The following TMEM132C variants were observed in gnomAD, a reference collection of about 807,000 sequenced individuals.
The protein encoded by TMEM132C is transmembrane protein 132C.
In TMEM132C, 29 loss-of-function variants were observed where a neutral mutation model predicts 61.4. The ratio of observed to expected loss-of-function variants is 0.47; its 90% confidence interval spans 0.35 to 0.64. The LOEUF is 0.64. Ranked by LOEUF, TMEM132C falls within the 30% of genes least tolerant of loss-of-function variation. TMEM132C has a pLI of 0.00. For synonymous variants in TMEM132C, 656 were observed against 633.1 expected, an observed-to-expected ratio of 1.04 and a Z score of -0.54; for missense variants, 1,408 against 1,476.9, an observed-to-expected ratio of 0.95 and a Z score of 0.76.
intron 1 of TMEM132C, among the ~76,000 whole-genome samples, chr12:128,389,509 A>G (rs1874696966): frequency 1.3e-5 from 2 of 152,188 alleles, no homozygotes; most frequent in Non-Finnish European, 2.9e-5. Flanking sequence ...TTCTCCCACC[A>G]GAACATAGGT....
chr12:128,526,224 A>G (rs2136131557), intron 2 of TMEM132C, among the ~76,000 whole-genome samples: 1 of 152,366 alleles, frequency 6.6e-6, no homozygotes, highest in East Asian at 1.9e-4. Flanking sequence ...GGGCTGCTGT[A>G]AGAAAACACC....
chr12:128,427,122 C>T (rs993999241), intron 2 of TMEM132C, among the ~76,000 whole-genome samples: 4 of 152,146 alleles, frequency 2.6e-5, no homozygotes, highest in Non-Finnish European at 5.9e-5. Context: ...TGTTTGTGGT[C>T]GTGTCGTTGC....
chr12:128,349,943 G>A (rs1257788550), intron 1 of TMEM132C, among the ~76,000 whole-genome samples: 2 of 151,212 alleles, frequency 1.3e-5, no homozygotes, highest in African/African-American at 2.4e-5. Context: ...ACACACACAC[G>A]TGCAAGCATA....
chr12:128,396,223 C>T (rs1874949821), intron 1 of TMEM132C, among the ~76,000 whole-genome samples: 1 of 152,024 alleles, frequency 6.6e-6, no homozygotes. Flanking sequence ...TAGTTTTCAC[C>T]CAATAACACT....
At chr12:128,589,325 C>T (rs1875664983) in intron 3 of TMEM132C, among the ~76,000 whole-genome samples, 1 of 152,158 alleles carries the variant, frequency 6.6e-6, no homozygotes, top group African/African-American at 2.4e-5. Flanking sequence ...GGACCAAGAT[C>T]AGACTTTTCT....
At chr12:128,627,806 T>C (rs1954030359) in intron 4 of TMEM132C, among the ~76,000 whole-genome samples, 1 of 152,128 alleles carries the variant, frequency 6.6e-6, no homozygotes, top group Admixed American at 6.5e-5. Context: ...GAGTCAGGCC[T>C]CCGTGCCCAG....
intron 3 of TMEM132C, among the ~76,000 whole-genome samples, chr12:128,549,387 A>G (rs1044322582): frequency 6.6e-6 from 1 of 151,906 alleles, no homozygotes; most frequent in African/African-American, 2.4e-5. Context: ...TGCGTGCTGC[A>G]CTCAGTAAAG....
chr12:128,431,820 G>C (rs1172232429), intron 2 of TMEM132C, among the ~76,000 whole-genome samples: 5 of 152,124 alleles, frequency 3.3e-5, no homozygotes, highest in Non-Finnish European at 5.9e-5. Flanking sequence ...GCCCCCCAAA[G>C]TGCTTCGACC....
intron 2 of TMEM132C, among the ~76,000 whole-genome samples, chr12:128,453,636 C>A (rs1870251074): frequency 6.6e-6 from 1 of 152,104 alleles, no homozygotes; most frequent in Non-Finnish European, 1.5e-5. Flanking sequence ...GGGCGGCAGC[C>A]ATCTTTGGTA....
chr12:128,680,653 C>T (rs554690552), intron 5 of TMEM132C, among the ~76,000 whole-genome samples: 1 of 152,302 alleles, frequency 6.6e-6, no homozygotes, highest in South Asian at 2.1e-4. Context: ...AGCACAGAAT[C>T]AAAACCTTTG....
intron 2 of TMEM132C, among the ~76,000 whole-genome samples, chr12:128,463,580 A>C (rs371861509): frequency 1.8e-4 from 28 of 152,102 alleles, no homozygotes; most frequent in African/African-American, 6.7e-4. Flanking sequence ...CGGCCTCCCA[A>C]AGTGCTGAGA....
intron 2 of TMEM132C, among the ~76,000 whole-genome samples, chr12:128,420,376 G>C (rs146068980): frequency 6.6e-6 from 1 of 152,138 alleles, no homozygotes; most frequent in East Asian, 1.9e-4. Context: ...AGGGAAACAC[G>C]TGCAAAGGTC....
rs547550461 is a variant in TMEM132C at position 128,288,055 on chromosome 12, CTT to C, written c.85+20585_85+20586del. Reference sequence around the variant, plus strand: ...GTTATCCCTGCAGGATCCTCTCTTACTTTTTTTTTTTTTTTTTTCTGAGATGG... The same window carrying C: ...GTTATCCCTGCAGGATCCTCTCTTACTTTTTTTTTTTTTTTTCTGAGATGG... On this transcript the variant is annotated intron_variant, in intron 1 of 8. Transcript: ENST00000435159. The C allele has an allele frequency of 4.2e-3, 572 of 135,124 alleles. 6 individuals are homozygous for C. The highest frequency in any genetic ancestry group is 0.015 in the African/African-American group (529 of 36,376). The allele number at this position is 135,124 out of a possible 1,614,324, so 8.4% of individuals were successfully genotyped here.
At chr12:128,608,008 A>T (rs1876487250) in intron 3 of TMEM132C, among the ~76,000 whole-genome samples, 2 of 152,154 alleles carry the variant, frequency 1.3e-5, no homozygotes, top group South Asian at 4.1e-4. Context: ...AGGGATGCAA[A>T]TGTCATTCTG....
At chr12:128,484,578 G>A (rs905863184) in intron 2 of TMEM132C, among the ~76,000 whole-genome samples, 6 of 152,022 alleles carry the variant, frequency 3.9e-5, no homozygotes, top group African/African-American at 1.2e-4. Flanking sequence ...TAGAATGGCC[G>A]TCCTCATATA....
chr12:128,568,482 C>T (rs1874772330), intron 3 of TMEM132C, among the ~76,000 whole-genome samples: 1 of 152,192 alleles, frequency 6.6e-6, no homozygotes, highest in Non-Finnish European at 1.5e-5. Flanking sequence ...CCTGTACTTG[C>T]CGTGGACTGG....
At chr12:128,372,123 A>G (rs1044076800) in intron 1 of TMEM132C, among the ~76,000 whole-genome samples, 4 of 152,192 alleles carry the variant, frequency 2.6e-5, no homozygotes, top group Admixed American at 6.5e-5. Flanking sequence ...GCTGGCTGCC[A>G]TCTTGCCCCC....
At chr12:128,512,455 A>G (rs1226591525) in intron 2 of TMEM132C, among the ~76,000 whole-genome samples, 1 of 152,028 alleles carries the variant, frequency 6.6e-6, no homozygotes, top group African/African-American at 2.4e-5. Context: ...CAGCTTTTTC[A>G]TTGCCACATA....
intron 1 of TMEM132C, among the ~76,000 whole-genome samples, chr12:128,342,986 G>A (rs1344234302): frequency 6.6e-6 from 1 of 152,192 alleles, no homozygotes; most frequent in Non-Finnish European, 1.5e-5. Flanking sequence ...TGCAAAGTAA[G>A]CAGGATCCCC....
Sources: allele counts gnomAD v4.1 joint callset (sites outside exome capture counted in the v4.1 genomes callset), GRCh38; gene constraint gnomAD v4.1.1; transcripts MANE v1.5; gene names NCBI Gene and HGNC (gene_info 2026-07-23, HGNC 2026-07-21).